SETBP1: variants seen among roughly 807,000 people sequenced by gnomAD.
SETBP1 encodes the protein SET binding protein 1, also known as SET-binding protein.
Under a neutral mutation model 101.0 loss-of-function variants are expected in SETBP1, and 9 were observed. The observed-to-expected ratio is 0.09, with a 90% CI of 0.05 to 0.16. The LOEUF is 0.16. Ranked by LOEUF, SETBP1 falls within the 10% of genes least tolerant of loss-of-function variation. SETBP1 has a pLI of 1.00. For missense variants in SETBP1, 1,858 were observed against 2,033.8 expected (o/e 0.91, Z 1.66); for synonymous variants, 818 against 788.5 (o/e 1.04, Z -0.63).
intron 2 of SETBP1, among the ~76,000 whole-genome samples, chr18:44,819,748 A>C (rs1282080192): frequency 1.3e-5 from 2 of 152,184 alleles, no homozygotes; most frequent in African/African-American, 4.8e-5. Flanking sequence ...TTTGGCTTAC[A>C]TGATAATCCT....
At chr18:44,772,241 G>T (rs1386829079) in intron 2 of SETBP1, among the ~76,000 whole-genome samples, 1 of 152,146 alleles carries the variant, frequency 6.6e-6, no homozygotes, top group Non-Finnish European at 1.5e-5. Flanking sequence ...TTTGCTCAAG[G>T]GTCATCGTGT....
chr18:45,028,883 T>C (rs967402057), intron 4 of SETBP1, among the ~76,000 whole-genome samples: 3 of 152,236 alleles, frequency 2.0e-5, no homozygotes, highest in African/African-American at 7.2e-5. Context: ...GTAAATTTGT[T>C]TGAGTTCATT....
chr18:44,952,072 C>A lies in SETBP1; in HGVS notation c.2732C>A (p.Thr911Lys), dbSNP rs2145106916. 1 of 1,614,134 alleles carries A rather than the reference C, an allele frequency of 6.2e-7. No homozygotes were observed. Among genetic ancestry groups the A allele is most frequent in the African/African-American group, 1.3e-5 (1 of 75,040 alleles). The change falls in exon 4 of 6, where the codon ACA (threonine) becomes AAA (lysine). Residue 911 changes from threonine (T) to lysine (K), a missense_variant. This residue lies in a region of SETBP1 where 255 missense variants were observed against 300.1 expected (regional missense o/e 0.85). Coordinates refer to ENST00000649279, the MANE Select transcript of SETBP1 (RefSeq NM_015559.3). ...GAGGCCATTCCGTCCGACACCAGCA[C>A]AAAGAACCGGCATGGCCACCGGCAA... Reference protein sequence around the residue: ...NPEAIPSDTSTKNRHGHRQKH... With the variant: ...NPEAIPSDTSKKNRHGHRQKH...
chr18:45,055,460 T>C (rs536846104), intron 5 of SETBP1, among the ~76,000 whole-genome samples: 1 of 152,208 alleles, frequency 6.6e-6, no homozygotes, highest in Non-Finnish European at 1.5e-5. Flanking sequence ...CAAAAATATT[T>C]TTGTTGCTAT....
At chr18:44,927,706 G>A (rs1361482602) in intron 3 of SETBP1, among the ~76,000 whole-genome samples, 1 of 152,156 alleles carries the variant, frequency 6.6e-6, no homozygotes, top group Admixed American at 6.5e-5. Context: ...TGTCACTGTG[G>A]TTATCAGTGA....
At chr18:44,928,948 G>C (rs1386766632) in intron 3 of SETBP1, among the ~76,000 whole-genome samples, 1 of 152,126 alleles carries the variant, frequency 6.6e-6, no homozygotes, top group Non-Finnish European at 1.5e-5. Context: ...GATCCCATTT[G>C]TCAATTTTGG....
At chr18:44,846,539 G>C (rs573642579) in intron 2 of SETBP1, among the ~76,000 whole-genome samples, 1 of 152,280 alleles carries the variant, frequency 6.6e-6, no homozygotes, top group African/African-American at 2.4e-5. Context: ...TTTTGAATCT[G>C]TGAATTGAAA....
chr18:44,894,341 TTGC>T (rs1371260910), intron 3 of SETBP1, among the ~76,000 whole-genome samples: 14 of 152,202 alleles, frequency 9.2e-5, no homozygotes, highest in Non-Finnish European at 1.8e-4. Context: ...CAAAGGAGAC[TTGC>T]AGTTTGCCTC....
At chr18:44,799,587 A>T (rs115989585) in intron 2 of SETBP1, among the ~76,000 whole-genome samples, 10,177 of 152,122 alleles carry the variant, frequency 0.067, 370 homozygotes, top group African/African-American at 0.091. Flanking sequence ...TCACAGGGAT[A>T]GTAATATCGC....
At chr18:44,769,402 C>A (rs2070827767) in intron 2 of SETBP1, among the ~76,000 whole-genome samples, 1 of 152,148 alleles carries the variant, frequency 6.6e-6, no homozygotes, top group Non-Finnish European at 1.5e-5. Context: ...TTTTTTCAGA[C>A]CACAAGAAGT....
chr18:44,786,563 G>T (rs1231294146), intron 2 of SETBP1, among the ~76,000 whole-genome samples: 1 of 152,186 alleles, frequency 6.6e-6, no homozygotes, highest in Non-Finnish European at 1.5e-5. Flanking sequence ...ATGCCTTCTT[G>T]GTAAAGATCA....
At chr18:44,971,856 G>A (rs1339794923) in intron 4 of SETBP1, among the ~76,000 whole-genome samples, 4 of 152,094 alleles carry the variant, frequency 2.6e-5, no homozygotes, top group Admixed American at 2.6e-4. Context: ...AGTTTCTTTT[G>A]CTGTGCAGAA....
intron 2 of SETBP1, among the ~76,000 whole-genome samples, chr18:44,818,097 A>G (rs145983609): frequency 6.6e-6 from 1 of 152,338 alleles, no homozygotes; most frequent in East Asian, 1.9e-4. Flanking sequence ...AGATTAAATA[A>G]TTTTCTGAAA....
intron 5 of SETBP1, among the ~76,000 whole-genome samples, chr18:45,042,601 T>C (rs982730082): frequency 2.0e-5 from 3 of 152,174 alleles, no homozygotes; most frequent in African/African-American, 7.2e-5. Context: ...CGATACAATA[T>C]GGGAGAAATG....
chr18:44,835,249 C>G (rs963669743), intron 2 of SETBP1, among the ~76,000 whole-genome samples: 1 of 152,112 alleles, frequency 6.6e-6, no homozygotes, highest in African/African-American at 2.4e-5. Flanking sequence ...GGGAGGGGCT[C>G]TACAGCTCTT....
At chr18:44,769,594 G>A (rs761613908) in intron 2 of SETBP1, among the ~76,000 whole-genome samples, 5 of 152,212 alleles carry the variant, frequency 3.3e-5, no homozygotes, top group African/African-American at 4.8e-5. Context: ...CCAGAAGTGA[G>A]TATTGAGTGT....
chr18:44,844,930 A>G (rs1261937245), intron 2 of SETBP1, among the ~76,000 whole-genome samples: 1 of 152,206 alleles, frequency 6.6e-6, no homozygotes, highest in Admixed American at 6.5e-5. Context: ...ACGGTGTGCT[A>G]TTCACATTCA....
chr18:44,979,021 G>T (rs1216272632), intron 4 of SETBP1, among the ~76,000 whole-genome samples: 1 of 152,190 alleles, frequency 6.6e-6, no homozygotes, highest in African/African-American at 2.4e-5. Context: ...TGACTTCAGA[G>T]TTGGTGCTTT....
rs551391707 is a variant in SETBP1, at chr18:44,741,624, A to G, written c.486+39792A>G. 6.6e-5 allele frequency among the ~76,000 whole-genome samples: 10 copies of G among 152,292 alleles called. No homozygotes were observed. In the East Asian group the frequency reaches 1.9e-3, roughly 29 times the overall value. On this transcript the variant is annotated intron_variant, in intron 2 of 5. Coordinates refer to ENST00000649279, the MANE Select transcript of SETBP1 (RefSeq NM_015559.3). ...TAAGGCAACCCAACATATTGGGTAT[A>G]AGAGCAGCCAGCAGAAAGGGTTTGC... is the stretch of plus-strand genomic sequence containing the variant.
Sources: gnomAD v4.1 joint callset for allele counts (sites outside exome capture counted in the v4.1 genomes callset) on GRCh38, gnomAD v4.1.1 for gene constraint, gnomAD v4.1.1 regional missense constraint, MANE v1.5 for transcripts, NCBI Gene and HGNC (gene_info 2026-07-23, HGNC 2026-07-21) for gene names.